AKIRIN1: variants seen among roughly 807,000 people sequenced by gnomAD.
AKIRIN1 encodes the protein akirin-1.
A neutral mutation model predicts 25.9 loss-of-function variants in AKIRIN1; 4 were observed. The ratio of observed to expected loss-of-function variants is 0.15; its 90% CI spans 0.08 to 0.35. AKIRIN1 has a LOEUF of 0.35. AKIRIN1 is among the 10% of genes least tolerant of loss of function. The pLI is 1.00. For missense variants in AKIRIN1, 243 were observed against 266.1 expected (o/e 0.91, Z 0.61); for synonymous variants, 125 against 105.1 (o/e 1.19, Z -1.16).
intron 2 of AKIRIN1, among the ~76,000 whole-genome samples, 158 bp from the exon 3 acceptor site, chr1:39,000,814 G>A (rs1333490708): frequency 2.0e-5 from 3 of 151,840 alleles, no homozygotes; most frequent in Non-Finnish European, 4.4e-5. Flanking sequence ...GCCCTACCAC[G>A]CCCAGCTAAT....
rs189950623 is a variant in AKIRIN1 at position 38,994,726 on chromosome 1, G to A, written c.220+3126G>A. ...TTTTTTGAGATGACGTTTCGCTCTT[G>A]TTGCCCAGGCTGGAGTGCAGTAGCA... On this transcript the variant is annotated intron_variant, in intron 1 of 4. Transcript: ENST00000432648. Among the ~76,000 whole-genome samples, 494 of 106,302 alleles carry A rather than the reference G, an allele frequency of 4.6e-3. 5 individuals are homozygous for A. In the South Asian group the frequency reaches 0.076, roughly 16 times the overall value. 69.7% of individuals were successfully genotyped at this position (106,302 alleles called of 152,430 possible).
intron 3 of AKIRIN1, among the ~76,000 whole-genome samples, chr1:39,002,919 C>T (rs1181988913): frequency 1.3e-5 from 2 of 152,174 alleles, no homozygotes; most frequent in Non-Finnish European, 2.9e-5. Flanking sequence ...TATAGATTTT[C>T]ACTTAGCTTT....
Position 39,004,589 on chromosome 1 carries a change from G to C in AKIRIN1, c.*534G>C, listed in dbSNP as rs534394061. The C allele has an allele frequency of 5.0e-6, 1 of 199,594 alleles. No homozygotes were observed. The highest frequency in any genetic ancestry group is 1.0e-5 in the Non-Finnish European group (1 of 96,914). 12.4% of individuals were successfully genotyped at this position (199,594 alleles called of 1,614,324 possible). A position where few individuals can be genotyped will look rare whatever the true frequency, so the allele number is the denominator to read the frequency against. ...AACAGTGGATTGTTTTTATGTGTAG[G>C]TATTGTTAAATACAGGGACTGTTTC... On this transcript the variant is annotated 3_prime_UTR_variant, in exon 5 of 5. Transcript: ENST00000432648.
At chr1:38,993,631 CAA>C (rs529279921) in intron 1 of AKIRIN1, among the ~76,000 whole-genome samples, 64 of 108,942 alleles carry the variant, frequency 5.9e-4, no homozygotes, top group Non-Finnish European at 5.4e-4. Context: ...AACTCCATCT[CAA>C]AAAAAAAAAA....
intron 1 of AKIRIN1, among the ~76,000 whole-genome samples, chr1:38,995,808 G>A (rs974025576): frequency 6.6e-6 from 1 of 152,168 alleles, no homozygotes; most frequent in African/African-American, 2.4e-5. Context: ...CGAGGCGGGC[G>A]GATCAGCTGA....
rs551632741 is a variant in AKIRIN1, at chr1:38,992,721, A to G, written c.220+1121A>G. Among the ~76,000 whole-genome samples the G allele has an allele frequency of 2.6e-5, 4 of 152,274 alleles. No homozygotes were observed. The East Asian group carries it at 7.7e-4, about 29-fold the overall frequency. ...TTCAAAGGACTTATGAACTGTGACC[A>G]TATCTTACCTAGTCAGTCTCTTACA... is the stretch of plus-strand genomic sequence containing the variant. On this transcript the variant is annotated intron_variant, in intron 1 of 4. Coordinates refer to ENST00000432648, the MANE Select transcript of AKIRIN1 (RefSeq NM_024595.3).
intron 2 of AKIRIN1, among the ~76,000 whole-genome samples, chr1:38,998,960 A>G (rs917659939): frequency 2.0e-5 from 3 of 152,110 alleles, no homozygotes; most frequent in Non-Finnish European, 2.9e-5. Flanking sequence ...TGGCTGTTGT[A>G]TTGTACATGC....
chr1:38,995,119 G>A (rs1484085701), intron 1 of AKIRIN1, among the ~76,000 whole-genome samples: 3 of 152,092 alleles, frequency 2.0e-5, no homozygotes, highest in African/African-American at 4.8e-5. Context: ...GAGCCACTGC[G>A]CCTGGCTAGC....
At chr1:38,994,800 C>T (rs1436375989) in intron 1 of AKIRIN1, among the ~76,000 whole-genome samples, 4 of 149,800 alleles carry the variant, frequency 2.7e-5, no homozygotes, top group Non-Finnish European at 5.9e-5. Context: ...AGCGATTCTC[C>T]TGCCTTAGCC....
chr1:38,993,239 A>G (rs1643922515), intron 1 of AKIRIN1, among the ~76,000 whole-genome samples: 1 of 152,210 alleles, frequency 6.6e-6, no homozygotes, highest in African/African-American at 2.4e-5. Context: ...AGTTCACATT[A>G]CAGTAGCTGC....
Position 39,001,067 on chromosome 1 carries a change from C to G in AKIRIN1, c.457C>G (p.Arg153Gly). The change falls in exon 3 of 5, where the codon CGG becomes GGG. Residue 153 changes from arginine (R) to glycine (G), a missense_variant. Arg to Gly is a moderately radical substitution (Grantham distance 125). Coordinates refer to ENST00000432648, the MANE Select transcript of AKIRIN1 (RefSeq NM_024595.3). The stretch of plus-strand genomic sequence containing the variant: ...CTTAAAAGACTATGAAGATAAAATT[C>G]GGGAGGAGTATGAGCAAATCCTCAA... ...RLLKDYEDKI[R>G]EEYEQILNTK... 1 of 1,613,630 alleles carries G rather than the reference C, an allele frequency of 6.2e-7. No homozygotes were observed. Among genetic ancestry groups the G allele is most frequent in the Non-Finnish European group, 8.5e-7 (1 of 1,179,842 alleles).
At chr1:38,993,852 C>A (rs1643927155) in intron 1 of AKIRIN1, among the ~76,000 whole-genome samples, 1 of 152,034 alleles carries the variant, frequency 6.6e-6, no homozygotes, top group Non-Finnish European at 1.5e-5. Flanking sequence ...GGGCGGATCA[C>A]CTGAGGTCGG....
At chr1:39,000,568 C>G (rs1220411454) in intron 2 of AKIRIN1, among the ~76,000 whole-genome samples, 1 of 150,860 alleles carries the variant, frequency 6.6e-6, no homozygotes, top group African/African-American at 2.4e-5. Context: ...CAGGCTGGTC[C>G]CGAACTCCCA....
Position 38,998,187 on chromosome 1 carries a change from C to T in AKIRIN1, c.237C>T (p.Asn79=). The T allele has an allele frequency of 6.2e-7, 1 of 1,608,718 alleles. No individual in the cohort carries two copies. The highest frequency in any genetic ancestry group is 8.5e-7 in the Non-Finnish European group (1 of 1,177,792). ...RLPTPEQIFQ[N]IKQEYSRYQR... ...TTTTATTAGAGCAAATTTTTCAGAA[C>T]ATAAAACAAGAATATAGTCGTTATC... is the stretch of plus-strand genomic sequence containing the variant. Residue 79 remains asparagine (N), a synonymous_variant, in exon 2 of 5, where the codon AAC becomes AAT. Transcript: ENST00000432648.
chr1:39,001,558 G>C (rs948512413), intron 3 of AKIRIN1, among the ~76,000 whole-genome samples: 3 of 152,026 alleles, frequency 2.0e-5, no homozygotes, highest in South Asian at 2.1e-4. Flanking sequence ...GAGCCACCGC[G>C]CCTGGCCAAG....
At chr1:38,995,223 A>G (rs1282285020) in intron 1 of AKIRIN1, among the ~76,000 whole-genome samples, 2 of 152,182 alleles carry the variant, frequency 1.3e-5, no homozygotes, top group Non-Finnish European at 2.9e-5. Flanking sequence ...AGGAGAGAAT[A>G]ATGTAATGTA....
At chr1:39,000,171 C>T (rs1248622011) in intron 2 of AKIRIN1, among the ~76,000 whole-genome samples, 1 of 150,992 alleles carries the variant, frequency 6.6e-6, no homozygotes, top group Non-Finnish European at 1.5e-5. Context: ...GCGAGAGCCA[C>T]CATGCCTGGC....
intron 2 of AKIRIN1, among the ~76,000 whole-genome samples, chr1:38,999,231 T>G (rs1482305201): frequency 6.6e-6 from 1 of 152,214 alleles, no homozygotes; most frequent in Non-Finnish European, 1.5e-5. Context: ...AGTATTCTAC[T>G]TAACAGTTCT....
chr1:38,994,217 G>A (rs1034815205), intron 1 of AKIRIN1, among the ~76,000 whole-genome samples: 3 of 152,120 alleles, frequency 2.0e-5, no homozygotes, highest in Non-Finnish European at 2.9e-5. Context: ...TTGGGGTAAG[G>A]GATGTTCAAT....
Sources: gnomAD v4.1 joint callset for allele counts (sites outside exome capture counted in the v4.1 genomes callset) on GRCh38, gnomAD v4.1.1 for gene constraint, MANE v1.5 for transcripts, NCBI Gene and HGNC (gene_info 2026-07-23, HGNC 2026-07-21) for gene names.